Variants in NPHP4 observed in about 807,000 individuals in gnomAD.
NPHP4 encodes the protein nephrocystin 4.
NPHP4 carries 151 observed loss-of-function variants against 155.8 expected under a neutral mutation model. That is an observed-to-expected ratio of 0.97 (90% CI 0.85 to 1.11). The LOEUF (loss-of-function observed/expected upper bound fraction) is 1.11, where lower values mean the gene tolerates loss of function less well. Among genes scored for constraint, NPHP4 ranks in the 50% least tolerant of loss-of-function variants. NPHP4 has a pLI of 0.00. For missense variants in NPHP4, 1,956 were observed against 1,925.7 expected (o/e 1.02, Z -0.29); for synonymous variants, 845 against 816.8 (o/e 1.03, Z -0.59).
rs1290446329 is a variant in NPHP4, at chr1:5,905,427, G to C, written c.1820C>G (p.Pro607Arg). 2 of 1,612,246 alleles carry C rather than the reference G, an allele frequency of 1.2e-6. No homozygotes were observed. The highest frequency in any genetic ancestry group is 2.7e-5 in the African/African-American group (2 of 74,892). ...CTGTTTATTGGCATCCAGAATCTCG[G>C]GAAAGCCGGAGGACTGCAGGAGCAC... ...SMVLLQSSGF[P>R]EILDANKQPA... The change falls in exon 15 of 30, where the codon CCC (proline) becomes CGC (arginine). Residue 607 changes from proline (P) to arginine (R), a missense_variant. Pro to Arg is a moderately radical substitution (Grantham distance 103). Coordinates refer to ENST00000378156, the MANE Select transcript of NPHP4 (RefSeq NM_015102.5). The surrounding 1 kb of genome is among the most constrained non-coding windows in gnomAD (Gnocchi z 4.0).
Position 5,863,112 on chromosome 1 carries a change from C to T in NPHP4, c.*153G>A. 1.3e-6 allele frequency: 1 copy of T among 762,428 alleles called. No homozygotes were observed. Among genetic ancestry groups the T allele is most frequent in the Non-Finnish European group, 2.2e-6 (1 of 446,758 alleles). 47.2% of individuals were successfully genotyped at this position (762,428 alleles called of 1,614,324 possible). On this transcript the variant is annotated 3_prime_UTR_variant, in exon 30 of 30. Transcript: ENST00000378156. ...TGCAGGTACTACAAAATGACCAGCG[C>T]TCGGTCTCTGCTTCCTCAGCCAAGT...
intron 22 of NPHP4, chr1:5,873,814 G>A: frequency 3.8e-6 from 1 of 265,410 alleles, no homozygotes. Context: ...GTGCACACCT[G>A]CACACACACC....
chr1:5,897,758 G>A (rs1273789049), intron 16 of NPHP4, among the ~76,000 whole-genome samples: 1 of 152,120 alleles, frequency 6.6e-6, no homozygotes. Flanking sequence ...GACAAATGGG[G>A]AAATGGTACT....
chr1:5,991,612 G>C (rs1006041043), intron 1 of NPHP4: 1 of 152,290 alleles, frequency 6.6e-6, no homozygotes, highest in Admixed American at 6.5e-5. Flanking sequence ...GGAAGGGCAC[G>C]CGGGAGCGGG....
chr1:5,968,256 T>C (rs1459727915), intron 4 of NPHP4, among the ~76,000 whole-genome samples: 2 of 151,956 alleles, frequency 1.3e-5, no homozygotes, highest in African/African-American at 2.4e-5. Flanking sequence ...TCACTGGTGG[T>C]CAAAGCCAGC....
intron 2 of NPHP4, among the ~76,000 whole-genome samples, chr1:5,984,951 G>A (rs376875803): frequency 2.0e-5 from 3 of 152,300 alleles, no homozygotes; most frequent in African/African-American, 7.2e-5. Flanking sequence ...GCTGCTGCTC[G>A]TCTATAAAAC....
chr1:5,947,309 AAC>A, intron 8 of NPHP4, 79 bp from the exon 9 acceptor site: 1 of 1,532,914 alleles, frequency 6.5e-7, no homozygotes, highest in East Asian at 2.3e-5. Context: ...CCACTGTCAG[AAC>A]AGTCAAGGGG....
chr1:5,877,202 T>C lies in NPHP4; in HGVS notation c.2708A>G (p.Asp903Gly). The C allele has an allele frequency of 6.2e-7, 1 of 1,606,156 alleles. No individual in the cohort carries two copies. Among genetic ancestry groups the C allele is most frequent in the Non-Finnish European group, 8.5e-7 (1 of 1,175,872 alleles). ...GGTGGCATCCGACTCGCGGCTGACG[T>C]CCTGGGGCCCCTTGCCCTGCCGGGC... The part of the protein sequence containing the change: ...THARQGKGPQ[D>G]VSRESDATRR... The change falls in exon 20 of 30, where the codon GAC becomes GGC. Residue 903 changes from aspartate (D) to glycine (G), a missense_variant. Coordinates refer to ENST00000378156, the MANE Select transcript of NPHP4 (RefSeq NM_015102.5).
At position 5,873,849 on chromosome 1, in the gene NPHP4, A is replaced by G. The variant is rs560977922; in HGVS notation, c.3232-514T>C. The G allele has an allele frequency of 2.2e-5, 5 of 223,830 alleles. No homozygotes were observed. In the South Asian group the frequency reaches 2.8e-4, roughly 12 times the overall value. 13.9% of individuals were successfully genotyped at this position (223,830 alleles called of 1,614,324 possible). A position where few individuals can be genotyped will look rare whatever the true frequency, so the allele number is the denominator to read the frequency against. Reference sequence around the variant, plus strand: ...CTCACATACTCCCTGCACACACACAACTGCATGTCTGCACACACCTCACAC... The same window carrying G: ...CTCACATACTCCCTGCACACACACAGCTGCATGTCTGCACACACCTCACAC... On this transcript the variant is annotated intron_variant, in intron 22 of 29. Coordinates refer to ENST00000378156, the MANE Select transcript of NPHP4 (RefSeq NM_015102.5).
chr1:5,984,162 C>A (rs777433257), intron 2 of NPHP4, among the ~76,000 whole-genome samples: 1 of 152,144 alleles, frequency 6.6e-6, no homozygotes, highest in Non-Finnish European at 1.5e-5. Context: ...AAACACCTTG[C>A]GGTCTTAAGA....
chr1:5,911,927 G>A lies in NPHP4; in HGVS notation c.1442-2714C>T, dbSNP rs535105466. ...GCCCCAGGAGTCTTCCAAAAACCAC[G>A]GTGGAGTCTGGGAAGCCTGACTTCC... On this transcript the variant is annotated intron_variant, in intron 11 of 29. Coordinates refer to ENST00000378156, the MANE Select transcript of NPHP4 (RefSeq NM_015102.5). Among the ~76,000 whole-genome samples the A allele has an allele frequency of 1.7e-4, 26 of 152,282 alleles. No homozygotes were observed. The East Asian group carries it at 3.9e-3, about 23-fold the overall frequency.
chr1:5,951,541 A>G (rs6659420), intron 7 of NPHP4, among the ~76,000 whole-genome samples: 35,413 of 152,094 alleles, frequency 0.23, 5,043 homozygotes, highest in African/African-American at 0.4. Flanking sequence ...GATCATCAGC[A>G]AAGGCGCAGG....
intron 3 of NPHP4, among the ~76,000 whole-genome samples, chr1:5,973,361 A>G (rs1053179314): frequency 1.3e-5 from 2 of 152,242 alleles, no homozygotes; most frequent in African/African-American, 4.8e-5. Flanking sequence ...TGGCTTACTT[A>G]GAAAAGTAAG....
chr1:5,893,391 G>A (rs1644239302), intron 16 of NPHP4, among the ~76,000 whole-genome samples: 1 of 152,234 alleles, frequency 6.6e-6, no homozygotes, highest in Admixed American at 6.5e-5. Flanking sequence ...CATCTCCAAT[G>A]ATAGGTAAGG....
Position 5,961,858 on chromosome 1 carries a change from AG to A in NPHP4, c.608del (p.Pro203LeufsTer112), listed in dbSNP as rs778552863. The A allele has an allele frequency of 1.2e-6, 2 of 1,611,906 alleles. No homozygotes were observed. Among genetic ancestry groups the A allele is most frequent in the South Asian group, 1.1e-5 (1 of 90,996 alleles). ...PALEPAFHLLPENLLVSGLQQ... is the reference protein window; with the variant it reads ...PALEPAFHLLXENLLVSGLQQ... Reference sequence around the variant, plus strand: ...GCAGACCAGACACCAGAAGGTTCTCAGGAAGAAGGTGGAACGCAGGCTCCAG... The same window carrying A: ...GCAGACCAGACACCAGAAGGTTCTCAGAAGAAGGTGGAACGCAGGCTCCAG... On this transcript the variant is annotated frameshift_variant, in exon 6 of 30. Coordinates refer to ENST00000378156, the MANE Select transcript of NPHP4 (RefSeq NM_015102.5). LOFTEE classifies it high-confidence loss of function.
intron 9 of NPHP4, among the ~76,000 whole-genome samples, chr1:5,943,924 G>A (rs938162142): frequency 6.6e-6 from 1 of 152,126 alleles, no homozygotes; most frequent in Non-Finnish European, 1.5e-5. Flanking sequence ...GGAACGGGAC[G>A]GGAGAAAGAG....
At chr1:5,930,625 T>A (rs181370048) in intron 10 of NPHP4, among the ~76,000 whole-genome samples, 2 of 152,360 alleles carry the variant, frequency 1.3e-5, no homozygotes, top group East Asian at 3.9e-4. Flanking sequence ...TCCATTATAA[T>A]CTGAGAATAC....
intron 7 of NPHP4, among the ~76,000 whole-genome samples, chr1:5,950,173 C>G (rs775925139): frequency 6.6e-6 from 1 of 152,172 alleles, no homozygotes; most frequent in Non-Finnish European, 1.5e-5. Flanking sequence ...TCTTTGACTA[C>G]TGAGTGAAAA....
At chr1:5,972,519 T>C (rs775672482) in intron 3 of NPHP4, among the ~76,000 whole-genome samples, 13 of 152,136 alleles carry the variant, frequency 8.5e-5, no homozygotes, top group Non-Finnish European at 1.9e-4. Context: ...CAACATCTTA[T>C]CCATCTCTGC....
Sources: gnomAD v4.1 joint callset for allele counts (sites outside exome capture counted in the v4.1 genomes callset) on GRCh38, gnomAD v4.1.1 for gene constraint, Gnocchi (gnomAD v3.1) non-coding constraint, MANE v1.5 for transcripts, NCBI Gene and HGNC (gene_info 2026-07-23, HGNC 2026-07-21) for gene names.